Variants in GNB4 observed in about 807,000 individuals in gnomAD.
GNB4 encodes guanine nucleotide-binding protein subunit beta-4.
GNB4 carries 28 observed loss-of-function variants against 45.2 expected under a neutral mutation model. The observed-to-expected ratio is 0.62, with a 90% CI of 0.46 to 0.85. The LOEUF (loss-of-function observed/expected upper bound fraction) is 0.85. Ranked by LOEUF, GNB4 falls within the 40% of genes least tolerant of loss-of-function variation. The pLI is 0.00. For synonymous variants in GNB4, 132 were observed against 143.7 expected (o/e 0.92, Z 0.58); for missense variants, 321 against 425.4 (o/e 0.75, Z 2.16).
chr3:179,454,656 G>C (rs1715951392), upstream of GNB4, among the ~76,000 whole-genome samples: 1 of 151,908 alleles, frequency 6.6e-6, no homozygotes, highest in Admixed American at 6.6e-5. Context: ...ATTTTTTTCT[G>C]AGCCTACCTT....
chr3:179,450,071 AT>A (rs1243355087), intron 1 of GNB4, among the ~76,000 whole-genome samples: 1 of 152,342 alleles, frequency 6.6e-6, no homozygotes, highest in East Asian at 1.9e-4. Context: ...TTATAAATGT[AT>A]ATACAGAGGG....
chr3:179,507,814 G>A, the GNB4 span, among the ~76,000 whole-genome samples: 4 of 152,050 alleles, frequency 2.6e-5, no homozygotes, highest in Admixed American at 6.6e-5. Flanking sequence ...TTATTCTCGC[G>A]TCTTCTCCAC....
chr3:179,427,007 T>C (rs963612800), intron 1 of GNB4, among the ~76,000 whole-genome samples: 3 of 152,042 alleles, frequency 2.0e-5, no homozygotes, highest in Non-Finnish European at 4.4e-5. Flanking sequence ...ACCTCATGTA[T>C]CACTCTCACA....
rs200473758 is a variant in GNB4 at position 179,433,260 on chromosome 3, TA to T, written c.-42-7019del. 5.3e-5 allele frequency among the ~76,000 whole-genome samples: 8 copies of T among 150,050 alleles called. No individual in the cohort carries two copies. In the South Asian group the frequency reaches 6.3e-4, roughly 12 times the overall value. ...ACAAACAGGCATCAAGCATGCTATT[TA>T]AAAAAAAACAAAACCCAAAAACTTT... On this transcript the variant is annotated intron_variant, in intron 1 of 9. Coordinates refer to ENST00000232564, the MANE Select transcript of GNB4 (RefSeq NM_021629.4).
At chr3:179,456,314 C>T (rs1032587771), upstream of GNB4, among the ~76,000 whole-genome samples, 6 of 151,958 alleles carry the variant, frequency 3.9e-5, no homozygotes, top group African/African-American at 1.2e-4. Context: ...GCTGGATAGA[C>T]TTATCTAGAG....
At chr3:179,457,022 A>T in the GNB4 span, among the ~76,000 whole-genome samples, 3 of 152,342 alleles carry the variant, frequency 2.0e-5, no homozygotes, top group East Asian at 5.8e-4. Context: ...AGAAAAGATG[A>T]AAAGGAGCCC....
the GNB4 span, among the ~76,000 whole-genome samples, chr3:179,499,327 C>G: frequency 6.6e-6 from 1 of 151,776 alleles, no homozygotes; most frequent in East Asian, 1.9e-4. Context: ...CAGGCTAGTT[C>G]TTTTTGTATT....
chr3:179,494,245 A>G, the GNB4 span, among the ~76,000 whole-genome samples: 69 of 151,710 alleles, frequency 4.5e-4, no homozygotes, highest in Non-Finnish European at 9.1e-4. Flanking sequence ...TAGCTGAAGA[A>G]GAAAGAAAGA....
chr3:179,445,485 C>T (rs928637046), intron 1 of GNB4, among the ~76,000 whole-genome samples: 1 of 152,020 alleles, frequency 6.6e-6, no homozygotes, highest in Non-Finnish European at 1.5e-5. Context: ...GGGGTTTCAC[C>T]ATGTTGCCCA....
intron 1 of GNB4, among the ~76,000 whole-genome samples, chr3:179,447,520 T>G (rs946682795): frequency 4.6e-5 from 7 of 151,696 alleles, no homozygotes; most frequent in African/African-American, 1.7e-4. Context: ...GGCTAAAACG[T>G]TTTTATTTTA....
intron 8 of GNB4, among the ~76,000 whole-genome samples, chr3:179,408,998 G>A (rs913743546): frequency 1.3e-5 from 2 of 148,250 alleles, no homozygotes; most frequent in African/African-American, 2.5e-5. Context: ...ATACACACAC[G>A]CACACAAAAT....
chr3:179,429,881 T>C (rs971860548), intron 1 of GNB4, among the ~76,000 whole-genome samples: 32 of 152,164 alleles, frequency 2.1e-4, no homozygotes, highest in African/African-American at 7.5e-4. Context: ...TTTAAATTCC[T>C]TTGCAATCTT....
chr3:179,498,050 C>T, the GNB4 span, among the ~76,000 whole-genome samples: 1 of 152,142 alleles, frequency 6.6e-6, no homozygotes, highest in Admixed American at 6.5e-5. Context: ...GGAATATATC[C>T]ACAGAAAATA....
chr3:179,491,347 G>C, the GNB4 span, among the ~76,000 whole-genome samples: 1 of 152,160 alleles, frequency 6.6e-6, no homozygotes, highest in African/African-American at 2.4e-5. Context: ...GCCTACATGT[G>C]AGGTGCATAA....
intron 1 of GNB4, among the ~76,000 whole-genome samples, chr3:179,440,056 AAAG>A (rs1413226134): frequency 1.3e-5 from 2 of 152,260 alleles, no homozygotes; most frequent in African/African-American, 4.8e-5. Context: ...CAGAAAGGGC[AAAG>A]AAGTTCCTAT....
At chr3:179,449,778 A>G (rs771386316) in intron 1 of GNB4, among the ~76,000 whole-genome samples, 8 of 152,256 alleles carry the variant, frequency 5.3e-5, no homozygotes, top group Admixed American at 1.3e-4. Context: ...CAGCCAGCTG[A>G]CTTCAATAAC....
the GNB4 span, chr3:179,464,410 C>T: frequency 3.0e-6 from 4 of 1,349,828 alleles, no homozygotes; most frequent in East Asian, 9.3e-5. Flanking sequence ...CACAGCTGCT[C>T]CCTCTGCCCT....
the GNB4 span, among the ~76,000 whole-genome samples, chr3:179,518,099 C>G: frequency 6.6e-6 from 1 of 152,098 alleles, no homozygotes; most frequent in Non-Finnish European, 1.5e-5. Context: ...CAACCTTCCA[C>G]CCTCCATTCC....
chr3:179,511,001 C>A, the GNB4 span, among the ~76,000 whole-genome samples: 5 of 151,834 alleles, frequency 3.3e-5, no homozygotes, highest in South Asian at 2.1e-4. Flanking sequence ...TCCCACCCCC[C>A]ACCTACACAG....
Sources: allele counts gnomAD v4.1 joint callset (sites outside exome capture counted in the v4.1 genomes callset), GRCh38; gene constraint gnomAD v4.1.1; transcripts MANE v1.5; gene names NCBI Gene and HGNC (gene_info 2026-07-23, HGNC 2026-07-21).